RTN3: variants seen among roughly 807,000 people sequenced by gnomAD.
RTN3 encodes the protein reticulon 3.
In RTN3, 49 loss-of-function variants were observed where a neutral mutation model predicts 77.8. The ratio of observed to expected loss-of-function variants is 0.63; its 90% CI spans 0.50 to 0.80. The LOEUF (loss-of-function observed/expected upper bound fraction) is 0.80. Among genes scored for constraint, RTN3 ranks in the 30% least tolerant of loss-of-function variants. RTN3 has a pLI of 0.00. For synonymous variants in RTN3, 464 were observed against 446.9 expected (o/e 1.04, Z -0.48); for missense variants, 1,236 against 1,211.9 (o/e 1.02, Z -0.29).
In RTN3 at chr11:63,720,741, G is replaced by T. The variant is rs1307114911; in HGVS notation, c.2239G>T (p.Ala747Ser). 6.2e-7 allele frequency: 1 copy of T among 1,614,106 alleles called. No homozygotes were observed. The highest frequency in any genetic ancestry group is 1.7e-5 in the Admixed American group (1 of 60,016). The stretch of plus-strand genomic sequence containing the variant: ...AGAACAAGAACAGCTCACAATTAAG[G>T]CTCTTAAAGAATTAGGTGAAAGACA... Reference protein sequence around the residue: ...DLEQEQLTIKALKELGERQVE... With the variant: ...DLEQEQLTIKSLKELGERQVE... The change falls in exon 3 of 9, where the codon GCT (alanine) becomes TCT (serine). Residue 747 changes from alanine (A) to serine (S), a missense_variant. By Grantham distance (99) the Ala-to-Ser change is moderately conservative. This residue lies in a region of RTN3 where 1,056 missense variants were observed against 990.4 expected (regional missense o/e 1.07). Transcript: ENST00000377819.
At chr11:63,729,326 C>T (rs1009726590) in intron 3 of RTN3, among the ~76,000 whole-genome samples, 2 of 149,644 alleles carry the variant, frequency 1.3e-5, no homozygotes, top group African/African-American at 2.5e-5. Flanking sequence ...TATAGGATTG[C>T]TTAAAGCAAA....
intron 2 of RTN3, among the ~76,000 whole-genome samples, chr11:63,713,052 A>G (rs977126108): frequency 6.6e-6 from 1 of 152,126 alleles, no homozygotes; most frequent in Non-Finnish European, 1.5e-5. Flanking sequence ...CCAAGGTCAC[A>G]CCATTGCACT....
At chr11:63,753,177 T>C (rs373648965) in intron 6 of RTN3, 39 bp downstream of exon 6, 19 of 1,574,534 alleles carry the variant, frequency 1.2e-5, no homozygotes, top group Non-Finnish European at 1.6e-5. Flanking sequence ...CTCTTTGAAG[T>C]AGTTTGTAAG....
chr11:63,718,605 T>G lies in RTN3; in HGVS notation c.200-97T>G. The G allele has an allele frequency of 6.6e-6, 5 of 753,264 alleles. No individual in the cohort carries two copies. In the South Asian group the frequency reaches 1.1e-4, roughly 17 times the overall value. The allele number at this position is 753,264 out of a possible 1,614,324, so 46.7% of individuals were successfully genotyped here. A position where few individuals can be genotyped will look rare whatever the true frequency, so the allele number is the denominator to read the frequency against. On this transcript the variant is annotated intron_variant, in intron 2 of 8. Transcript: ENST00000377819. ...TCCTGTGTGTGTATATATATATTTA[T>G]GTAATTTAAAAAATAAAAAGCATGC...
intron 8 of RTN3, 79 bp downstream of exon 8, chr11:63,756,249 C>T: frequency 2.2e-6 from 2 of 927,300 alleles, no homozygotes; most frequent in Admixed American, 2.1e-5. Flanking sequence ...GTACAAAATG[C>T]AGATGCCAAG....
chr11:63,749,970 T>C (rs1171752803), intron 3 of RTN3, 21 bp from the exon 4 acceptor site: 11 of 1,583,200 alleles, frequency 6.9e-6, no homozygotes, highest in Non-Finnish European at 9.5e-6. Flanking sequence ...TTATAACTTA[T>C]ATTCCCTTTT....
chr11:63,688,757 TC>T (rs1941504035), intron 1 of RTN3, among the ~76,000 whole-genome samples: 1 of 152,184 alleles, frequency 6.6e-6, no homozygotes, highest in South Asian at 2.1e-4. Flanking sequence ...TATCAAATTA[TC>T]CTGTGAGGAA....
In RTN3 at chr11:63,684,349, G is replaced by C. The variant is rs776611612; in HGVS notation, c.142+2571G>C. Among the ~76,000 whole-genome samples the C allele has an allele frequency of 2.0e-5, 3 of 152,100 alleles. No homozygotes were observed. The East Asian group carries it at 5.8e-4, about 29-fold the overall frequency. ...TTTTTAGTAGAAACAGGGTTTCACAGTGTTAGCCAGGATGGTCTTGATCTC... is the reference window on the plus strand; with the variant it reads ...TTTTTAGTAGAAACAGGGTTTCACACTGTTAGCCAGGATGGTCTTGATCTC... On this transcript the variant is annotated intron_variant, in intron 1 of 8. Coordinates refer to ENST00000377819, the MANE Select transcript of RTN3 (RefSeq NM_001265589.2).
intron 8 of RTN3, among the ~76,000 whole-genome samples, chr11:63,757,830 C>T (rs576541057): frequency 6.7e-6 from 1 of 150,166 alleles, no homozygotes; most frequent in South Asian, 2.1e-4. Context: ...AGCGATTATC[C>T]TTCATTCACC....
At chr11:63,737,993 C>T (rs1037898868) in intron 3 of RTN3, among the ~76,000 whole-genome samples, 6 of 152,304 alleles carry the variant, frequency 3.9e-5, no homozygotes, top group Admixed American at 3.9e-4. Context: ...AGTCTTAACC[C>T]ATTTCAGCAG....
chr11:63,731,943 G>A (rs991036435), intron 3 of RTN3, among the ~76,000 whole-genome samples: 5 of 152,078 alleles, frequency 3.3e-5, no homozygotes, highest in Non-Finnish European at 5.9e-5. Flanking sequence ...GAGCCACTGC[G>A]CCCAGCCATG....
At chr11:63,715,948 C>G (rs1335737700) in intron 2 of RTN3, among the ~76,000 whole-genome samples, 1 of 152,148 alleles carries the variant, frequency 6.6e-6, no homozygotes. Flanking sequence ...CTGTTATGCC[C>G]TAATCTAGTC....
chr11:63,705,173 C>T (rs1055776268), intron 2 of RTN3, among the ~76,000 whole-genome samples: 3 of 152,120 alleles, frequency 2.0e-5, no homozygotes, highest in African/African-American at 7.2e-5. Context: ...ACTTGCCCAC[C>T]AGAATTTGGA....
chr11:63,723,668 C>A (rs2134925031), intron 3 of RTN3, among the ~76,000 whole-genome samples: 1 of 152,204 alleles, frequency 6.6e-6, no homozygotes, highest in South Asian at 2.1e-4. Context: ...TTCAAGTGAT[C>A]CGCCTGCGTT....
rs2011580684 is a variant in RTN3 at position 63,719,278 on chromosome 11, A to G, written c.776A>G (p.Lys259Arg). ...ATTATTGACAAAGCAGCATTTGACA[A>G]AGAATTTAAAGACTCATATAAGGAG... ...EVIIDKAAFD[K>R]EFKDSYKEST... is the part of the protein sequence containing the mutation. The change falls in exon 3 of 9, where the codon AAA becomes AGA. Residue 259 changes from lysine (K) to arginine (R), a missense_variant. Physicochemically the swap from Lys to Arg is conservative, Grantham distance 26 (BLOSUM62 2). Transcript: ENST00000377819. 6.2e-7 allele frequency: 1 copy of G among 1,614,144 alleles called. No homozygotes were observed. Among genetic ancestry groups the G allele is most frequent in the East Asian group, 2.2e-5 (1 of 44,884 alleles).
intron 3 of RTN3, among the ~76,000 whole-genome samples, chr11:63,743,199 C>G (rs1453896329): frequency 6.6e-6 from 1 of 152,194 alleles, no homozygotes; most frequent in East Asian, 1.9e-4. Context: ...CCGCGCCCAG[C>G]CTGTTTTTCT....
intron 3 of RTN3, among the ~76,000 whole-genome samples, chr11:63,726,448 G>A (rs1157927613): frequency 6.6e-6 from 1 of 152,150 alleles, no homozygotes; most frequent in Non-Finnish European, 1.5e-5. Context: ...ATCTTGGAAG[G>A]GAGAGATCCA....
chr11:63,735,550 T>TTCTC (rs71468640), intron 3 of RTN3, among the ~76,000 whole-genome samples: 4,834 of 42,638 alleles, frequency 0.11, 826 homozygotes, highest in Non-Finnish European at 0.13. Flanking sequence ...ATTCTAACAT[T>TTCTC]TCTCTCTCTC....
At chr11:63,704,765 G>T in intron 1 of RTN3, 86 bp from the exon 2 acceptor site, 1 of 929,172 alleles carries the variant, frequency 1.1e-6, no homozygotes, top group Non-Finnish European at 1.8e-6. Flanking sequence ...TATGATGCTT[G>T]GCTCTTCCTC....
Sources: gnomAD v4.1 joint callset for allele counts (sites outside exome capture counted in the v4.1 genomes callset) on GRCh38, gnomAD v4.1.1 for gene constraint, gnomAD v4.1.1 regional missense constraint, MANE v1.5 for transcripts, NCBI Gene and HGNC (gene_info 2026-07-23, HGNC 2026-07-21) for gene names.